LURAP1L: variants seen among roughly 807,000 people sequenced by gnomAD.
LURAP1L encodes leucine rich adaptor protein 1-like.
LURAP1L carries 12 observed loss-of-function variants against 13.8 expected under a neutral mutation model. That is an observed-to-expected ratio of 0.87 (90% CI 0.56 to 1.41). The LOEUF (loss-of-function observed/expected upper bound fraction) is 1.41. Ranked by LOEUF, LURAP1L falls within the 40% of genes most tolerant of loss-of-function variation. LURAP1L has a pLI of 0.00. For missense variants in LURAP1L, 375 were observed against 292.9 expected, an observed-to-expected ratio of 1.28 and a Z score of -2.04; for synonymous variants, 139 against 119.2, an observed-to-expected ratio of 1.17 and a Z score of -1.08.
intron 1 of LURAP1L, among the ~76,000 whole-genome samples, chr9:12,814,666 C>T (rs1819781114): frequency 6.6e-6 from 1 of 152,208 alleles, no homozygotes; most frequent in African/African-American, 2.4e-5. Context: ...TTATGATTCA[C>T]AGGAGTCACA....
Position 12,775,491 on chromosome 9 carries a change from A to G in LURAP1L, c.-225A>G. On this transcript the variant is annotated 5_prime_UTR_variant, in exon 1 of 2. Transcript: ENST00000319264. ...GAGATCTTGATCATCTTAGTGTCGG[A>G]GGAGTCGCAGCGGACTGGGAACTGC... The G allele has an allele frequency of 1.8e-6, 1 of 554,926 alleles. No homozygotes were observed. Among genetic ancestry groups the G allele is most frequent in the Non-Finnish European group, 3.0e-6 (1 of 337,200 alleles). 34.4% of individuals were successfully genotyped at this position (554,926 alleles called of 1,614,324 possible).
intron 1 of LURAP1L, among the ~76,000 whole-genome samples, chr9:12,807,823 T>C (rs1051414760): frequency 2.6e-5 from 4 of 152,220 alleles, no homozygotes; most frequent in African/African-American, 7.2e-5. Context: ...TTAGGCAATT[T>C]ATATGATTCT....
rs977799006 is a variant in LURAP1L, at chr9:12,775,473, T to C, written c.-243T>C. The C allele has an allele frequency of 6.2e-6, 3 of 482,538 alleles. No homozygotes were observed. The highest frequency in any genetic ancestry group is 4.0e-5 in the African/African-American group (2 of 49,412). The allele number at this position is 482,538 out of a possible 1,614,324, so 29.9% of individuals were successfully genotyped here. On this transcript the variant is annotated 5_prime_UTR_variant, in exon 1 of 2. The change abolishes the stop of an existing upstream ORF in the 5' untranslated region. Transcript: ENST00000319264. ...AAAAAGAGAGAGAATGAGGAGATCT[T>C]GATCATCTTAGTGTCGGAGGAGTCG...
In LURAP1L at chr9:12,822,541, T is replaced by C. The variant is rs185246467; in HGVS notation, c.*781T>C. On this transcript the variant is annotated 3_prime_UTR_variant, in exon 2 of 2. Transcript: ENST00000319264. ...TGCATTTTGAGATTTTGTTGGCATT[T>C]ACTTGTATGTATTTTGTGATTCTGA... Among the ~76,000 whole-genome samples, 95 of 152,356 alleles carry C rather than the reference T, an allele frequency of 6.2e-4. No individual in the cohort carries two copies. Among genetic ancestry groups the C allele is most frequent in the African/African-American group, 2.1e-3 (86 of 41,586 alleles).
rs748947927 is a variant in LURAP1L, at chr9:12,821,723, G to A, written c.650G>A (p.Arg217His). 6.6e-5 allele frequency: 106 copies of A among 1,613,878 alleles called. No individual in the cohort carries two copies. Among genetic ancestry groups the A allele is most frequent in the South Asian group, 1.2e-4 (11 of 91,078 alleles). ...GAGGACTCACAGGCACTACACAAGC[G>A]TCCTAAATTGGATTCTGAATACTAC... ...LIEDSQALHKRPKLDSEYYCF... is the reference protein window; with the variant it reads ...LIEDSQALHKHPKLDSEYYCF... Residue 217 changes from arginine (R) to histidine (H), a missense_variant, in exon 2 of 2, where the codon CGT becomes CAT. Coordinates refer to ENST00000319264, the MANE Select transcript of LURAP1L (RefSeq NM_203403.2).
chr9:12,818,875 C>A (rs1437663990), intron 1 of LURAP1L, among the ~76,000 whole-genome samples: 1 of 152,104 alleles, frequency 6.6e-6, no homozygotes, highest in African/African-American at 2.4e-5. Context: ...AAGGGGCCAG[C>A]ATGTTTTATC....
chr9:12,800,949 G>A (rs776987733), intron 1 of LURAP1L, among the ~76,000 whole-genome samples: 4 of 152,114 alleles, frequency 2.6e-5, no homozygotes, highest in African/African-American at 7.2e-5. Context: ...ATAATGTGGC[G>A]AGTTTTTTAT....
At chr9:12,787,586 T>A (rs1819375106) in intron 1 of LURAP1L, among the ~76,000 whole-genome samples, 5 of 152,154 alleles carry the variant, frequency 3.3e-5, no homozygotes. Flanking sequence ...CCTAGCCAGT[T>A]GATCATCAAC....
At chr9:12,791,864 ACACAATTAATGC>A (rs1232243469) in intron 1 of LURAP1L, among the ~76,000 whole-genome samples, 1 of 152,112 alleles carries the variant, frequency 6.6e-6, no homozygotes, top group Non-Finnish European at 1.5e-5. Context: ...CACTGTTGTC[ACACAATTAATGC>A]CACAATTAAT....
At position 12,786,581 on chromosome 9, in the gene LURAP1L, T is replaced by TATATAAAC. The variant is rs61134838; in HGVS notation, c.312+10555_312+10556insTATAAACA. ...ATATATATATATATATATATATATATAAACCCTTGTGCCTTAAGTCTGTAT... is the reference window on the plus strand; with the variant it reads ...ATATATATATATATATATATATATATATATAAACAAACCCTTGTGCCTTAAGTCTGTAT... On this transcript the variant is annotated intron_variant, in intron 1 of 1. Transcript: ENST00000319264. Among the ~76,000 whole-genome samples, 128 of 121,388 alleles carry TATATAAAC rather than the reference T, an allele frequency of 1.1e-3. 2 individuals carry two copies. Among genetic ancestry groups the TATATAAAC allele is most frequent in the Non-Finnish European group, 2.0e-3 (109 of 55,182 alleles). The allele number at this position is 121,388 out of a possible 152,430, so 79.6% of individuals were successfully genotyped here.
At chr9:12,811,123 C>T (rs1327626482) in intron 1 of LURAP1L, among the ~76,000 whole-genome samples, 1 of 152,144 alleles carries the variant, frequency 6.6e-6, no homozygotes, top group Non-Finnish European at 1.5e-5. Context: ...CTAATCACCT[C>T]CTCTTTTTCT....
chr9:12,812,671 T>C (rs986036526), intron 1 of LURAP1L, among the ~76,000 whole-genome samples: 2 of 152,154 alleles, frequency 1.3e-5, no homozygotes, highest in African/African-American at 4.8e-5. Context: ...GATAAAGCAT[T>C]TGAGTAGAAA....
At chr9:12,797,313 A>G (rs1467499164) in intron 1 of LURAP1L, among the ~76,000 whole-genome samples, 1 of 152,122 alleles carries the variant, frequency 6.6e-6, no homozygotes, top group Non-Finnish European at 1.5e-5. Flanking sequence ...GCCTAGAAAG[A>G]TACTACTGCT....
intron 1 of LURAP1L, among the ~76,000 whole-genome samples, chr9:12,788,148 GAAGAAAGAAAGAAAGA>G (rs35187096): frequency 9.4e-5 from 11 of 117,424 alleles, no homozygotes; most frequent in East Asian, 2.7e-4. Context: ...GAAAGAGAAA[GAAGAAAGAAAGAAAGA>G]AAGAAAGAAA....
intron 1 of LURAP1L, among the ~76,000 whole-genome samples, chr9:12,799,715 C>T (rs1486476128): frequency 6.6e-6 from 1 of 151,970 alleles, no homozygotes; most frequent in African/African-American, 2.4e-5. Flanking sequence ...CTCATCTCTA[C>T]TAAAAATACA....
chr9:12,814,721 A>C (rs900531126), intron 1 of LURAP1L, among the ~76,000 whole-genome samples: 1 of 152,226 alleles, frequency 6.6e-6, no homozygotes, highest in African/African-American at 2.4e-5. Flanking sequence ...TACTTTATCA[A>C]AACAACATCA....
chr9:12,784,000 T>G (rs1819313600), intron 1 of LURAP1L, among the ~76,000 whole-genome samples: 1 of 152,160 alleles, frequency 6.6e-6, no homozygotes, highest in African/African-American at 2.4e-5. Context: ...AATTCAATTG[T>G]TTAGCTCCAG....
rs1819901117 is a variant in LURAP1L, at chr9:12,822,917, C to CA, written c.*1163dup. ...GGACTAAACACTCTATAATACAAAT[C>CA]AAAAAATCTTCCTTCTTATAACTGA... On this transcript the variant is annotated 3_prime_UTR_variant, in exon 2 of 2. Coordinates refer to ENST00000319264, the MANE Select transcript of LURAP1L (RefSeq NM_203403.2). Among the ~76,000 whole-genome samples, 1 of 152,052 alleles carries CA rather than the reference C, an allele frequency of 6.6e-6. No homozygotes were observed. Among genetic ancestry groups the CA allele is most frequent in the Non-Finnish European group, 1.5e-5 (1 of 67,984 alleles).
chr9:12,814,363 G>A (rs1819777050), intron 1 of LURAP1L: 1 of 152,176 alleles, frequency 6.6e-6, no homozygotes, highest in East Asian at 1.9e-4. Context: ...AATATGGGGA[G>A]TCCATGTTTT....
Sources: gnomAD v4.1 joint callset for allele counts (sites outside exome capture counted in the v4.1 genomes callset) on GRCh38, gnomAD v4.1.1 for gene constraint, MANE v1.5 for transcripts, NCBI Gene and HGNC (gene_info 2026-07-23, HGNC 2026-07-21) for gene names.